Variants in EXTL3 observed in about 807,000 individuals in gnomAD.
The protein encoded by EXTL3 is exostosin-like 3.
EXTL3 carries 27 observed loss-of-function variants against 69.3 expected under a neutral mutation model. That is an observed-to-expected ratio of 0.39 (90% CI 0.29 to 0.54). The LOEUF (loss-of-function observed/expected upper bound fraction) is 0.54, where lower values mean the gene tolerates loss of function less well. Among genes scored for constraint, EXTL3 ranks in the 20% least tolerant of loss-of-function variants. The pLI is 0.69. For missense variants in EXTL3, 1,003 were observed against 1,231.8 expected, an observed-to-expected ratio of 0.81 and a Z score of 2.78; for synonymous variants, 511 against 499.4, an observed-to-expected ratio of 1.02 and a Z score of -0.31.
intron 4 of EXTL3, among the ~76,000 whole-genome samples, chr8:28,732,377 CT>C (rs200975195): frequency 1.3e-5 from 2 of 152,062 alleles, no homozygotes; most frequent in African/African-American, 4.8e-5. Context: ...TCTTGCAGTT[CT>C]TTTTTTTACA....
intron 1 of EXTL3, among the ~76,000 whole-genome samples, chr8:28,661,534 CAT>C (rs1243572299): frequency 6.6e-6 from 1 of 151,598 alleles, no homozygotes; most frequent in African/African-American, 2.4e-5. Flanking sequence ...TATAAACACA[CAT>C]ATATATATAG....
At chr8:28,662,319 C>T (rs1054438039) in intron 1 of EXTL3, among the ~76,000 whole-genome samples, 1 of 152,070 alleles carries the variant, frequency 6.6e-6, no homozygotes, top group African/African-American at 2.4e-5. Flanking sequence ...CCCTATCATA[C>T]TGCACAAAAA....
intron 6 of EXTL3, among the ~76,000 whole-genome samples, chr8:28,747,453 G>A (rs956901140): frequency 8.5e-5 from 13 of 152,116 alleles, no homozygotes; most frequent in African/African-American, 2.4e-4. Flanking sequence ...GGGCTCTGAC[G>A]GCGCATACTG....
intron 4 of EXTL3, 118 bp downstream of exon 4, chr8:28,731,468 C>A: frequency 9.3e-7 from 1 of 1,069,538 alleles, no homozygotes; most frequent in Non-Finnish European, 1.4e-6. Flanking sequence ...ATAGTCAGGG[C>A]TGATGTAGGA....
chr8:28,683,643 T>C (rs989255613), intron 1 of EXTL3, among the ~76,000 whole-genome samples: 2 of 152,096 alleles, frequency 1.3e-5, no homozygotes, highest in East Asian at 3.9e-4. Context: ...TGAAACCCTG[T>C]CTCTACTAAA....
chr8:28,735,484 C>T (rs1801631650), intron 4 of EXTL3, among the ~76,000 whole-genome samples: 1 of 152,134 alleles, frequency 6.6e-6, no homozygotes, highest in East Asian at 1.9e-4. Context: ...TAATGGGAAG[C>T]CTTTTAATGT....
chr8:28,665,141 A>G (rs1215949231), intron 1 of EXTL3, among the ~76,000 whole-genome samples: 2 of 128,308 alleles, frequency 1.6e-5, no homozygotes, highest in African/African-American at 5.8e-5. Context: ...GTGTGACATC[A>G]GTTCACTGCA....
At chr8:28,680,692 G>T (rs1482087695) in intron 1 of EXTL3, among the ~76,000 whole-genome samples, 1 of 152,030 alleles carries the variant, frequency 6.6e-6, no homozygotes, top group East Asian at 1.9e-4. Flanking sequence ...CTGCAACTTG[G>T]TACCCTTTGA....
chr8:28,683,843 C>T (rs1273846609), intron 1 of EXTL3, among the ~76,000 whole-genome samples: 1 of 151,900 alleles, frequency 6.6e-6, no homozygotes, highest in Non-Finnish European at 1.5e-5. Flanking sequence ...CTATAGTCAC[C>T]CTGTTGTGCT....
At chr8:28,705,367 G>A (rs1585263740) in intron 1 of EXTL3, among the ~76,000 whole-genome samples, 1 of 152,248 alleles carries the variant, frequency 6.6e-6, no homozygotes, top group African/African-American at 2.4e-5. Flanking sequence ...TGATGGGATG[G>A]TAAAGCGTCT....
At chr8:28,650,098 A>G (rs1276093563) in intron 1 of EXTL3, among the ~76,000 whole-genome samples, 6 of 149,160 alleles carry the variant, frequency 4.0e-5, no homozygotes, top group Non-Finnish European at 5.9e-5. Flanking sequence ...CTGGAGGGTG[A>G]GGCAGGAGAA....
intron 4 of EXTL3, among the ~76,000 whole-genome samples, chr8:28,736,954 C>T (rs1332746434): frequency 6.6e-6 from 1 of 152,092 alleles, no homozygotes. Context: ...AGGTGTGCTC[C>T]ACCATACCCA....
intron 4 of EXTL3, among the ~76,000 whole-genome samples, chr8:28,736,930 G>A (rs1297742496): frequency 6.6e-6 from 1 of 152,166 alleles, no homozygotes; most frequent in African/African-American, 2.4e-5. Context: ...AGCCTCCCAA[G>A]TAGCTGGTAG....
chr8:28,676,656 G>A (rs1314057891), intron 1 of EXTL3, among the ~76,000 whole-genome samples: 1 of 152,158 alleles, frequency 6.6e-6, no homozygotes, highest in Non-Finnish European at 1.5e-5. Flanking sequence ...TCAACCTTTG[G>A]TGGATGAGAT....
chr8:28,619,311 A>AAAAAAAAAAAAAAACAAAAC (rs1478312916), upstream of EXTL3, among the ~76,000 whole-genome samples: 1 of 121,472 alleles, frequency 8.2e-6, no homozygotes, highest in Non-Finnish European at 1.6e-5. Context: ...AAAAAAAAAA[A>AAAAAAAAAAAAAAACAAAAC]AAAACCCTGT....
intron 1 of EXTL3, among the ~76,000 whole-genome samples, chr8:28,669,586 C>T (rs1807253208): frequency 6.6e-6 from 1 of 152,108 alleles, no homozygotes; most frequent in Non-Finnish European, 1.5e-5. Flanking sequence ...GGCAGAAAGC[C>T]CTGTCATTTT....
At chr8:28,661,480 C>T (rs560286389) in intron 1 of EXTL3, among the ~76,000 whole-genome samples, 1 of 151,466 alleles carries the variant, frequency 6.6e-6, no homozygotes, top group South Asian at 2.1e-4. Flanking sequence ...ATACACATAC[C>T]TAAATATAAA....
chr8:28,715,183 A>G (rs1032374493), intron 2 of EXTL3, among the ~76,000 whole-genome samples: 2 of 152,256 alleles, frequency 1.3e-5, no homozygotes, highest in East Asian at 3.8e-4. Context: ...AGGAATAAAC[A>G]TAAACTACCC....
At position 28,629,988 on chromosome 8, in the gene EXTL3, G is replaced by A. The variant is rs138437325; in HGVS notation, c.-53+7178G>A. 1.8e-3 allele frequency among the ~76,000 whole-genome samples: 270 copies of A among 152,296 alleles called. 1 individual carries two copies. The highest frequency in any genetic ancestry group is 6.2e-3 in the African/African-American group (259 of 41,562). The stretch of plus-strand genomic sequence containing the variant: ...ACATCCCAATCTTGTGGCCTCTAAG[G>A]ATAAAGCCAGGTTGACTCATCACGA... On this transcript the variant is annotated intron_variant, in intron 1 of 6. Coordinates refer to the EXTL3 transcript ENST00000523149.
Sources: allele counts gnomAD v4.1 joint callset (sites outside exome capture counted in the v4.1 genomes callset), GRCh38; gene constraint gnomAD v4.1.1; transcripts MANE v1.5; gene names NCBI Gene and HGNC (gene_info 2026-07-23, HGNC 2026-07-21).